RXRG: variants seen among roughly 807,000 people sequenced by gnomAD.
RXRG encodes retinoic acid receptor RXR-gamma.
Under a neutral mutation model 49.2 loss-of-function variants are expected in RXRG, and 19 were observed. The observed-to-expected ratio is 0.39, with a 90% CI of 0.27 to 0.57. RXRG has a LOEUF of 0.57. RXRG is among the 20% of genes least tolerant of loss of function. The probability of loss-of-function intolerance (pLI) is 0.64; values close to 1 mark genes in which losing one functional copy is unlikely to be tolerated. For missense variants in RXRG, 452 were observed against 592.5 expected (o/e 0.76, Z 2.46); for synonymous variants, 224 against 216.6 (o/e 1.03, Z -0.30).
chr1:165,419,297 AT>A (rs1304777160), intron 3 of RXRG, among the ~76,000 whole-genome samples: 5 of 152,042 alleles, frequency 3.3e-5, no homozygotes, highest in Admixed American at 3.3e-4. Flanking sequence ...ATTATGGGTA[AT>A]TTTTTTACTT....
chr1:165,417,084 G>C lies in RXRG; in HGVS notation c.579C>G (p.Tyr193Ter). Residue 193 changes from tyrosine (Y) to a stop codon, truncating the protein, a stop_gained, in exon 4 of 10, where the codon TAC becomes TAG. Transcript: ENST00000359842. LOFTEE classifies it high-confidence loss of function. Reference sequence around the variant, plus strand: ...TGACAAGGCACTTCTGATAGCGACAGTACTGGCAGCGGTTGCGCTGACGCT... The same window carrying C: ...TGACAAGGCACTTCTGATAGCGACACTACTGGCAGCGGTTGCGCTGACGCT... ...IDKRQRNRCQ[Y>*]CRYQKCLVMG... The C allele has an allele frequency of 6.2e-7, 1 of 1,614,176 alleles. No individual in the cohort carries two copies. Among genetic ancestry groups the C allele is most frequent in the Non-Finnish European group, 8.5e-7 (1 of 1,179,990 alleles).
At position 165,411,034 on chromosome 1, in the gene RXRG, T is replaced by C. The variant is rs1657927007; in HGVS notation, c.698A>G (p.Asp233Gly). 6.2e-7 allele frequency: 1 copy of C among 1,614,172 alleles called. No homozygotes were observed. The change falls in exon 5 of 10, where the codon GAC (aspartate) becomes GGC (glycine). Residue 233 changes from aspartate to glycine, a missense_variant. Around this residue, in one of 2 missense-constraint regions of RXRG, gnomAD observed 286 missense variants for 440.9 expected, o/e 0.65. Coordinates refer to ENST00000359842, the MANE Select transcript of RXRG (RefSeq NM_006917.5). Reference protein sequence around the residue: ...EAECATSGHEDMPVERILEAE... With the variant: ...EAECATSGHEGMPVERILEAE... ...TTCTAGAATCCTCTCCACAGGCATG[T>C]CTTCATGACCACTGGTAGCACATTC...
intron 2 of RXRG, chr1:165,425,033 C>G (rs937336291): frequency 1.2e-6 from 1 of 850,214 alleles, no homozygotes; most frequent in Non-Finnish European, 1.4e-6. Flanking sequence ...CAAAGCCAAA[C>G]TTGGCCTTGG....
Position 165,401,167 on chromosome 1 carries a change from G to C in RXRG, c.*96C>G, listed in dbSNP as rs1357975604. On this transcript the variant is annotated 3_prime_UTR_variant, in exon 10 of 10. Coordinates refer to ENST00000359842, the MANE Select transcript of RXRG (RefSeq NM_006917.5). ...AGCATCACATTTTGGGGACAGGAAG[G>C]GGGTCAGGGTGGGAGGTGGAGGAAA... The C allele has an allele frequency of 4.3e-6, 5 of 1,158,398 alleles. No individual in the cohort carries two copies. The East Asian group carries it at 1.2e-4, about 27-fold the overall frequency. The allele number at this position is 1,158,398 out of a possible 1,614,324, so 71.8% of individuals were successfully genotyped here.
intron 2 of RXRG, 69 bp from the exon 3 acceptor site, chr1:165,420,083 G>A: frequency 7.9e-7 from 1 of 1,273,148 alleles, no homozygotes; most frequent in South Asian, 2.1e-5. Flanking sequence ...CTAAGGCAAT[G>A]AGGGCTTACT....
chr1:165,411,132 G>A (rs1657931824), intron 4 of RXRG, 23 bp from the exon 5 acceptor site: 2 of 1,611,562 alleles, frequency 1.2e-6, no homozygotes, highest in South Asian at 2.2e-5. Flanking sequence ...AGGACATGCA[G>A]AGGTTACCAT....
intron 1 of RXRG, among the ~76,000 whole-genome samples, chr1:165,434,272 A>ATGTGTGTGTG (rs1491272318): frequency 0.11 from 7,084 of 66,618 alleles, 249 homozygotes; most frequent in Middle Eastern, 0.25. Context: ...AATGAATTGC[A>ATGTGTGTGTG]TGTGTGTATG....
At chr1:165,437,075 C>T (rs963627492) in intron 1 of RXRG, 14 of 1,336,500 alleles carry the variant, frequency 1.0e-5, no homozygotes, top group African/African-American at 3.0e-5. Flanking sequence ...TTTGCTCCTC[C>T]TTTTCATTTT....
chr1:165,409,258 G>A (rs1221315055), intron 7 of RXRG, among the ~76,000 whole-genome samples: 5 of 152,278 alleles, frequency 3.3e-5, no homozygotes, highest in African/African-American at 1.2e-4. Context: ...AATCCATTGG[G>A]AGAATAGGTT....
At chr1:165,421,529 CT>C (rs34676879) in intron 2 of RXRG, among the ~76,000 whole-genome samples, 115,267 of 131,450 alleles carry the variant, frequency 0.88, 50,421 homozygotes, top group Middle Eastern at 0.94. Flanking sequence ...TCTGGCATTT[CT>C]TTTTTTTTTT....
At chr1:165,421,175 G>A (rs1658299493) in intron 2 of RXRG, among the ~76,000 whole-genome samples, 1 of 152,306 alleles carries the variant, frequency 6.6e-6, no homozygotes, top group South Asian at 2.1e-4. Context: ...AATATTTATT[G>A]AGCGCAGGAG....
intron 1 of RXRG, among the ~76,000 whole-genome samples, chr1:165,434,271 CATGTGTGTATGT>C (rs1422432513): frequency 1.7e-5 from 2 of 120,714 alleles, no homozygotes; most frequent in Admixed American, 8.1e-5. Flanking sequence ...CAATGAATTG[CATGTGTGTATGT>C]GTGTGTGTGT....
In RXRG at chr1:165,401,237, G is replaced by T. The variant is rs747613597; in HGVS notation, c.*26C>A. ...ACACACCTGCCCAGGGGTCATCCTG[G>T]GTGGGGAGGCTGTGGCTGGTGGGGC... On this transcript the variant is annotated 3_prime_UTR_variant, in exon 10 of 10. Transcript: ENST00000359842. 4 of 1,612,834 alleles carry T rather than the reference G, an allele frequency of 2.5e-6. No individual in the cohort carries two copies. The highest frequency in any genetic ancestry group is 3.4e-6 in the Non-Finnish European group (4 of 1,179,380).
intron 7 of RXRG, 122 bp from the exon 8 acceptor site, chr1:165,408,440 AG>A (rs34690882): frequency 1.4e-6 from 1 of 690,262 alleles, no homozygotes; most frequent in Non-Finnish European, 2.6e-6. Flanking sequence ...ACCAGTTACT[AG>A]GGGTACAGAA....
Position 165,444,955 on chromosome 1 carries a change from C to T in RXRG, c.-62G>A. On this transcript the variant is annotated 5_prime_UTR_variant, in exon 1 of 10. Coordinates refer to ENST00000359842, the MANE Select transcript of RXRG (RefSeq NM_006917.5). ...TTCTAAATATTACCGCCTCTCTCGG[C>T]TCCCAGGCACAGCCCGGCTTTCTTC... 2.7e-6 allele frequency: 4 copies of T among 1,504,450 alleles called. No homozygotes were observed. Among genetic ancestry groups the T allele is most frequent in the Non-Finnish European group, 3.7e-6 (4 of 1,080,174 alleles). 93.2% of individuals were successfully genotyped at this position (1,504,450 alleles called of 1,614,324 possible). A position where few individuals can be genotyped will look rare whatever the true frequency, so the allele number is the denominator to read the frequency against.
chr1:165,440,050 A>T (rs1427341633), intron 1 of RXRG, among the ~76,000 whole-genome samples: 2 of 152,184 alleles, frequency 1.3e-5, no homozygotes, highest in Non-Finnish European at 2.9e-5. Context: ...GGAGTGTTCT[A>T]GTGAGAAAGG....
At chr1:165,406,306 C>G (rs1307719374) in intron 9 of RXRG, among the ~76,000 whole-genome samples, 3 of 152,192 alleles carry the variant, frequency 2.0e-5, no homozygotes, top group African/African-American at 7.2e-5. Flanking sequence ...ACCCTGGGGA[C>G]CAGCATCCAT....
chr1:165,445,113 C>T lies in RXRG; in HGVS notation c.-220G>A, dbSNP rs1396311480. ...CATAGTGCGTTTGAGACGGCTGTGGCGGCAGCAGCTGGTGCCTGTCAGTAA... is the reference window on the plus strand; with the variant it reads ...CATAGTGCGTTTGAGACGGCTGTGGTGGCAGCAGCTGGTGCCTGTCAGTAA... On this transcript the variant is annotated 5_prime_UTR_variant, in exon 1 of 10. Transcript: ENST00000359842. 1.8e-6 allele frequency: 1 copy of T among 569,134 alleles called. No individual in the cohort carries two copies. Among genetic ancestry groups the T allele is most frequent in the Admixed American group, 3.0e-5 (1 of 33,140 alleles). The allele number at this position is 569,134 out of a possible 1,614,324, so 35.3% of individuals were successfully genotyped here.
chr1:165,435,993 C>A (rs747477935), intron 1 of RXRG, among the ~76,000 whole-genome samples: 4 of 152,150 alleles, frequency 2.6e-5, no homozygotes, highest in Non-Finnish European at 4.4e-5. Context: ...GCTTGCAGAC[C>A]TCTAGGGGAT....
Sources: allele counts gnomAD v4.1 joint callset (sites outside exome capture counted in the v4.1 genomes callset), GRCh38; gene constraint gnomAD v4.1.1; regional missense constraint gnomAD v4.1.1; transcripts MANE v1.5; gene names NCBI Gene and HGNC (gene_info 2026-07-23, HGNC 2026-07-21).